FER: variants seen among roughly 807,000 people sequenced by gnomAD.
FER encodes the protein FER tyrosine kinase.
A neutral mutation model predicts 111.0 loss-of-function variants in FER; 63 were observed. The ratio of observed to expected loss-of-function variants is 0.57; its 90% CI spans 0.46 to 0.70. FER has a LOEUF of 0.70. FER is among the 30% of genes least tolerant of loss of function. FER has a pLI of 0.00. For synonymous variants in FER, 327 were observed against 313.9 expected (o/e 1.04, Z -0.44); for missense variants, 914 against 954.0 (o/e 0.96, Z 0.55).
intron 18 of FER, among the ~76,000 whole-genome samples, chr5:109,184,724 A>C (rs1582440579): frequency 6.6e-6 from 1 of 152,232 alleles, no homozygotes; most frequent in African/African-American, 2.4e-5. Context: ...AATGTCCATA[A>C]TTACTATCTA....
At chr5:109,114,332 T>A (rs1311742033) in intron 17 of FER, among the ~76,000 whole-genome samples, 1 of 152,150 alleles carries the variant, frequency 6.6e-6, no homozygotes, top group Non-Finnish European at 1.5e-5. Context: ...ACCCTGCAGA[T>A]GTTTGAGTAG....
chr5:109,094,112 G>A (rs968600355), intron 16 of FER, among the ~76,000 whole-genome samples: 3 of 151,680 alleles, frequency 2.0e-5, no homozygotes, highest in Admixed American at 2.0e-4. Flanking sequence ...GTGTATTTGT[G>A]TGTAAATTTG....
At chr5:108,862,514 A>C (rs1480450648) in intron 5 of FER, among the ~76,000 whole-genome samples, 2 of 152,200 alleles carry the variant, frequency 1.3e-5, no homozygotes, top group South Asian at 2.1e-4. Context: ...AGACTAAAAA[A>C]TTCAGGGAAT....
chr5:109,082,929 A>T (rs1475496755), intron 16 of FER, among the ~76,000 whole-genome samples: 1 of 151,960 alleles, frequency 6.6e-6, no homozygotes, highest in Non-Finnish European at 1.5e-5. Context: ...ACACTTTTCT[A>T]TTCTAAATGC....
chr5:109,029,497 C>G (rs950826459), intron 13 of FER, among the ~76,000 whole-genome samples: 1 of 122,196 alleles, frequency 8.2e-6, no homozygotes, highest in Non-Finnish European at 1.6e-5. Flanking sequence ...GTTTAGATCT[C>G]TTGGCCTGAA....
At chr5:109,030,694 C>T (rs537614598) in intron 13 of FER, among the ~76,000 whole-genome samples, 7 of 152,122 alleles carry the variant, frequency 4.6e-5, no homozygotes, top group Non-Finnish European at 1.0e-4. Flanking sequence ...GTTTGGTAGA[C>T]TTCTCCTGCC....
At chr5:108,865,409 G>C (rs575564853) in intron 5 of FER, among the ~76,000 whole-genome samples, 1 of 151,978 alleles carries the variant, frequency 6.6e-6, no homozygotes, top group Non-Finnish European at 1.5e-5. Flanking sequence ...GGAATAGTGA[G>C]TTACACCTTA....
chr5:108,832,309 A>C (rs1214896515), intron 3 of FER, among the ~76,000 whole-genome samples: 2 of 152,214 alleles, frequency 1.3e-5, no homozygotes, highest in Non-Finnish European at 2.9e-5. Context: ...GCCTCCACAA[A>C]AGACAGTTTC....
chr5:108,752,948 G>A (rs1750661413), intron 1 of FER, among the ~76,000 whole-genome samples: 1 of 151,950 alleles, frequency 6.6e-6, no homozygotes, highest in African/African-American at 2.4e-5. Context: ...GAAAAGAGGA[G>A]CCATTTATTT....
At position 109,134,194 on chromosome 5, in the gene FER, T is replaced by TA. The variant is rs141948634; in HGVS notation, c.2048+33679dup. Among the ~76,000 whole-genome samples, 1,435 of 152,232 alleles carry TA rather than the reference T, an allele frequency of 9.4e-3. 27 individuals are homozygous for TA. The highest frequency in any genetic ancestry group is 0.033 in the African/African-American group (1,378 of 41,564). On this transcript the variant is annotated intron_variant, in intron 17 of 19. Transcript: ENST00000281092. ...AAAATATTCCATTGTGTTGGTATAATAAAAGCTCGAATACCCAAAGAAAAG... is the reference window on the plus strand; with the variant it reads ...AAAATATTCCATTGTGTTGGTATAATAAAAAGCTCGAATACCCAAAGAAAAG...
intron 17 of FER, among the ~76,000 whole-genome samples, chr5:109,103,299 T>G (rs191142170): frequency 1.3e-5 from 2 of 152,296 alleles, no homozygotes; most frequent in Admixed American, 1.3e-4. Context: ...GGGAGGTCAC[T>G]AGAACTCAGT....
intron 13 of FER, among the ~76,000 whole-genome samples, chr5:109,021,219 G>A (rs982798627): frequency 4.6e-4 from 70 of 151,900 alleles, no homozygotes; most frequent in Admixed American, 4.3e-3. Flanking sequence ...TTAGATTTTA[G>A]CCGGTGTGCT....
intron 13 of FER, among the ~76,000 whole-genome samples, chr5:108,994,615 A>C (rs1370572084): frequency 6.6e-6 from 1 of 152,098 alleles, no homozygotes; most frequent in Non-Finnish European, 1.5e-5. Flanking sequence ...TTCTATATGA[A>C]TTTTAAAGTA....
chr5:109,043,740 A>C (rs1279219524), intron 14 of FER, among the ~76,000 whole-genome samples: 3 of 152,184 alleles, frequency 2.0e-5, no homozygotes, highest in Admixed American at 2.0e-4. Flanking sequence ...TGGAAGGCCA[A>C]GGCAGGCGGA....
intron 3 of FER, among the ~76,000 whole-genome samples, chr5:108,826,123 A>T (rs1467383652): frequency 6.6e-6 from 1 of 152,120 alleles, no homozygotes; most frequent in Non-Finnish European, 1.5e-5. Context: ...TTCCTTGAGA[A>T]TTTTTATCAT....
intron 16 of FER, among the ~76,000 whole-genome samples, chr5:109,098,653 G>A (rs530841989): frequency 3.3e-5 from 5 of 151,746 alleles, no homozygotes; most frequent in African/African-American, 7.2e-5. Flanking sequence ...ACCTATTAAA[G>A]TTGATAAATT....
chr5:108,848,752 T>C (rs1762267042), intron 5 of FER, among the ~76,000 whole-genome samples: 1 of 152,126 alleles, frequency 6.6e-6, no homozygotes, highest in South Asian at 2.1e-4. Flanking sequence ...CAAGTACTTA[T>C]CTTTTCCAGC....
chr5:108,986,875 T>C (rs1227647498), intron 13 of FER, among the ~76,000 whole-genome samples: 3 of 152,178 alleles, frequency 2.0e-5, no homozygotes, highest in African/African-American at 7.2e-5. Flanking sequence ...AGTCAGGTAA[T>C]GTGATGCCTC....
At chr5:108,781,821 A>G (rs1754117427) in intron 2 of FER, among the ~76,000 whole-genome samples, 1 of 152,212 alleles carries the variant, frequency 6.6e-6, no homozygotes, top group Non-Finnish European at 1.5e-5. Context: ...GGCTCTGACT[A>G]AATAGTTTCT....
Sources: gnomAD v4.1 joint callset for allele counts (sites outside exome capture counted in the v4.1 genomes callset) on GRCh38, gnomAD v4.1.1 for gene constraint, MANE v1.5 for transcripts, NCBI Gene and HGNC (gene_info 2026-07-23, HGNC 2026-07-21) for gene names.